The following KIF20B variants were observed in gnomAD, a reference collection of about 807,000 sequenced individuals.
KIF20B encodes kinesin-like protein KIF20B.
KIF20B carries 188 observed loss-of-function variants against 232.5 expected under a neutral mutation model. The ratio of observed to expected loss-of-function variants is 0.81; its 90% confidence interval spans 0.72 to 0.91. KIF20B has a LOEUF of 0.91. Among genes scored for constraint, KIF20B ranks in the 40% least tolerant of loss-of-function variants. The pLI, the probability that KIF20B is intolerant of heterozygous loss-of-function variation, is 0.00. For missense variants in KIF20B, 2,154 were observed against 2,055.9 expected, an observed-to-expected ratio of 1.05 and a Z score of -0.92; for synonymous variants, 712 against 683.0, an observed-to-expected ratio of 1.04 and a Z score of -0.66.
Position 89,716,566 on chromosome 10 carries a change from A to G in KIF20B, c.1052+19A>G. 1 of 1,170,590 alleles carries G rather than the reference A, an allele frequency of 8.5e-7. No homozygotes were observed. The allele number at this position is 1,170,590 out of a possible 1,614,324, so 72.5% of individuals were successfully genotyped here. A position where few individuals can be genotyped will look rare whatever the true frequency, so the allele number is the denominator to read the frequency against. ...GTAGAAGGTAAAGAATAAACTCTGT[A>G]AGAGTAAACTCGAATCACCGATAGT... On this transcript the variant is annotated intron_variant, in intron 9 of 32. Transcript: ENST00000371728.
At chr10:89,704,444 T>C (rs1326322425) in intron 1 of KIF20B, among the ~76,000 whole-genome samples, 12 of 152,376 alleles carry the variant, frequency 7.9e-5, no homozygotes, top group Admixed American at 6.5e-4. Flanking sequence ...GCATTATTCC[T>C]ATTTAACTTA....
intron 15 of KIF20B, 146 bp downstream of exon 15, chr10:89,725,304 T>A: frequency 1.3e-6 from 1 of 766,326 alleles, no homozygotes; most frequent in South Asian, 2.4e-5. Context: ...GCATGTTTTT[T>A]TAGAAGTGTA....
chr10:89,747,186 A>T (rs1020545093), intron 23 of KIF20B, among the ~76,000 whole-genome samples: 2 of 152,340 alleles, frequency 1.3e-5, no homozygotes, highest in Middle Eastern at 3.4e-3. Context: ...CCACAATGAG[A>T]TATCATCTCA....
rs1470309561 is a variant in KIF20B at position 89,737,912 on chromosome 10, C to T, written c.3071C>T (p.Thr1024Ile). 1.2e-6 allele frequency: 2 copies of T among 1,613,346 alleles called. No homozygotes were observed. Among genetic ancestry groups the T allele is most frequent in the Non-Finnish European group, 1.7e-6 (2 of 1,179,580 alleles). The change falls in exon 20 of 33, where the codon ACA (threonine) becomes ATA (isoleucine). Residue 1024 changes from threonine (T) to isoleucine (I), a missense_variant. Transcript: ENST00000371728. The stretch of plus-strand genomic sequence containing the variant: ...TCTGAGGAGGATAATTTGCCAAATA[C>T]ACAGTTAGACCTTTTAGGTAATGAT... ...NGSEEDNLPN[T>I]QLDLLGNDYL...
intron 31 of KIF20B, among the ~76,000 whole-genome samples, chr10:89,770,865 G>A (rs1348676192): frequency 6.6e-6 from 1 of 151,926 alleles, no homozygotes; most frequent in Non-Finnish European, 1.5e-5. Flanking sequence ...TCTTTTCAAA[G>A]TGCAGATTGA....
rs544599753 is a variant in KIF20B, at chr10:89,747,557, TA to T, written c.4096+1604del. ...TACACCATGGAATACTACACAGCCA[TA>T]AAAAATGATGAGTTCATGTCCTTTG... On this transcript the variant is annotated intron_variant, in intron 23 of 32. Coordinates refer to ENST00000371728, the MANE Select transcript of KIF20B (RefSeq NM_001284259.2). 8.5e-3 allele frequency among the ~76,000 whole-genome samples: 1,280 copies of T among 150,756 alleles called. 20 individuals carry two copies. Among genetic ancestry groups the T allele is most frequent in the African/African-American group, 0.03 (1,214 of 41,004 alleles).
At chr10:89,720,813 C>G (rs1843040247) in intron 13 of KIF20B, among the ~76,000 whole-genome samples, 1 of 152,200 alleles carries the variant, frequency 6.6e-6, no homozygotes, top group Admixed American at 6.5e-5. Context: ...TCAAGCGATT[C>G]TCCTGCCTCA....
chr10:89,717,756 A>C, intron 11 of KIF20B, 34 bp downstream of exon 11: 2 of 1,433,416 alleles, frequency 1.4e-6, no homozygotes, highest in East Asian at 2.3e-5. Flanking sequence ...TAGCATATTA[A>C]ATATTACAAT....
intron 21 of KIF20B, among the ~76,000 whole-genome samples, chr10:89,741,599 G>GT (rs767421254): frequency 6.6e-6 from 1 of 152,200 alleles, no homozygotes; most frequent in African/African-American, 2.4e-5. Flanking sequence ...TATAGACACT[G>GT]TTTTTAACTT....
chr10:89,748,650 T>A (rs1233670032), intron 23 of KIF20B, among the ~76,000 whole-genome samples: 1 of 152,206 alleles, frequency 6.6e-6, no homozygotes, highest in African/African-American at 2.4e-5. Flanking sequence ...ACATCTCCTA[T>A]TTCATAGGAA....
intron 13 of KIF20B, 167 bp from the exon 14 acceptor site, chr10:89,723,797 C>T: frequency 3.3e-6 from 2 of 607,734 alleles, no homozygotes; most frequent in Non-Finnish European, 4.7e-6. Context: ...TTTCAGTTAA[C>T]AAATCTTTGC....
rs1409308742 is a variant in KIF20B at position 89,755,292 on chromosome 10, T to C, written c.4503+619T>C. ...AACTTCGCAGTATCATATTGTCATC[T>C]GTTGGCATTTCCTTTTTTTATGACT... is the stretch of plus-strand genomic sequence containing the variant. On this transcript the variant is annotated intron_variant, in intron 26 of 32. Coordinates refer to ENST00000371728, the MANE Select transcript of KIF20B (RefSeq NM_001284259.2). Among the ~76,000 whole-genome samples, 3 of 152,352 alleles carry C rather than the reference T, an allele frequency of 2.0e-5. No individual in the cohort carries two copies. In the East Asian group the frequency reaches 5.8e-4, roughly 29 times the overall value.
intron 13 of KIF20B, among the ~76,000 whole-genome samples, chr10:89,720,033 T>G (rs570137426): frequency 6.6e-6 from 1 of 152,172 alleles, no homozygotes; most frequent in Non-Finnish European, 1.5e-5. Context: ...ATTTTCATCA[T>G]GATCACAAGA....
In KIF20B at chr10:89,737,612, A is replaced by G. The variant is rs375938397; in HGVS notation, c.2771A>G (p.Lys924Arg). 6 of 1,605,200 alleles carry G rather than the reference A, an allele frequency of 3.7e-6. No individual in the cohort carries two copies. The South Asian group carries it at 5.7e-5, about 15-fold the overall frequency. The change falls in exon 20 of 33, where the codon AAA (lysine) becomes AGA (arginine). Residue 924 changes from lysine to arginine, a missense_variant. Physicochemically the swap from Lys to Arg is conservative, Grantham distance 26. Coordinates refer to ENST00000371728, the MANE Select transcript of KIF20B (RefSeq NM_001284259.2). ...HFQQELSLSE[K>R]KNLTLSKEVQ... is the part of the protein sequence containing the mutation. ...CAGCAGGAACTTTCTCTTTCTGAAA[A>G]AAAGAATTTAACTTTAAGTAAAGAG...
At chr10:89,745,708 C>G (rs1841895899) in intron 22 of KIF20B, among the ~76,000 whole-genome samples, 191 bp from the exon 23 acceptor site, 1 of 151,662 alleles carries the variant, frequency 6.6e-6, no homozygotes, top group Non-Finnish European at 1.5e-5. Flanking sequence ...CTTCTTCTTT[C>G]CCCTGCTCTC....
intron 13 of KIF20B, among the ~76,000 whole-genome samples, chr10:89,721,101 G>T (rs1402294809): frequency 5.9e-5 from 9 of 152,128 alleles, no homozygotes; most frequent in African/African-American, 2.2e-4. Flanking sequence ...GTGTTCATGG[G>T]TGTGCTTTAA....
chr10:89,709,922 C>T lies in KIF20B; in HGVS notation c.352-5C>T, dbSNP rs115619054. On this transcript the variant is annotated splice_region_variant and splice_polypyrimidine_tract_variant and intron_variant, in intron 4 of 32. Coordinates refer to ENST00000371728, the MANE Select transcript of KIF20B (RefSeq NM_001284259.2). ...AAAAAGAGTTTTTAAAAAATGTTTG[C>T]TTAGGTTTTTGGCCCAGCAACTACA... 1,998 of 1,563,116 alleles carry T rather than the reference C, an allele frequency of 1.3e-3. 22 individuals are homozygous for T. In the African/African-American group the frequency reaches 0.024, roughly 19 times the overall value.
chr10:89,722,390 C>T (rs1447960442), intron 13 of KIF20B, among the ~76,000 whole-genome samples: 1 of 152,176 alleles, frequency 6.6e-6, no homozygotes, highest in Non-Finnish European at 1.5e-5. Context: ...AAACTTCCCG[C>T]CAGGCGCGGT....
At chr10:89,751,785 G>C (rs908885393) in intron 24 of KIF20B, among the ~76,000 whole-genome samples, 1 of 151,924 alleles carries the variant, frequency 6.6e-6, no homozygotes, top group Non-Finnish European at 1.5e-5. Flanking sequence ...CCTTTGTCAG[G>C]CTTTTAGCAT....
Sources: gnomAD v4.1 joint callset for allele counts (sites outside exome capture counted in the v4.1 genomes callset) on GRCh38, gnomAD v4.1.1 for gene constraint, MANE v1.5 for transcripts, NCBI Gene and HGNC (gene_info 2026-07-23, HGNC 2026-07-21) for gene names.